The following SLC67A1 variants were observed in gnomAD, a reference collection of about 807,000 sequenced individuals.
SLC67A1 encodes the protein solute carrier family 67 member A1.
chr11:2,916,811 C>A, the SLC67A1 span: 1 of 1,373,122 alleles, frequency 7.3e-7, no homozygotes, highest in South Asian at 1.2e-5. Context: ...CTGCGTGCTC[C>A]AGCCAAGGGG....
At chr11:2,900,573 G>A in the SLC67A1 span, among the ~76,000 whole-genome samples, 1 of 151,212 alleles carries the variant, frequency 6.6e-6, no homozygotes, top group South Asian at 2.1e-4. Flanking sequence ...GGCGCCTGTA[G>A]TCCCAGCTAC....
the SLC67A1 span, chr11:2,903,041 C>A: frequency 2.4e-6 from 1 of 418,774 alleles, no homozygotes; most frequent in Non-Finnish European, 4.0e-6. Flanking sequence ...GGCCCACCTG[C>A]AGGGGTCGGG....
the SLC67A1 span, chr11:2,921,539 G>T: frequency 6.0e-6 from 1 of 166,212 alleles, no homozygotes; most frequent in Non-Finnish European, 1.3e-5. Flanking sequence ...TGGCCTGGGA[G>T]CAGCCTGCGG....
the SLC67A1 span, chr11:2,918,145 AGCTGCGGCCAGGGCCCG>A: frequency 6.9e-7 from 1 of 1,451,780 alleles, no homozygotes; most frequent in Non-Finnish European, 9.6e-7. Flanking sequence ...GCAGAGTCCC[AGCTGCGGCCAGGGCCCG>A]GCCCTTCCTC....
At chr11:2,909,321 C>A in the SLC67A1 span, 7 of 1,532,398 alleles carry the variant, frequency 4.6e-6, no homozygotes, top group African/African-American at 1.4e-5. Flanking sequence ...CTCTTCGCCT[C>A]GCGCCTGCCC....
chr11:2,910,840 G>T, the SLC67A1 span, among the ~76,000 whole-genome samples: 1 of 152,230 alleles, frequency 6.6e-6, no homozygotes, highest in African/African-American at 2.4e-5. Context: ...GGTGCCACTG[G>T]GATTTGGGTC....
At chr11:2,924,978 C>G in the SLC67A1 span, 2 of 1,577,442 alleles carry the variant, frequency 1.3e-6, no homozygotes, top group East Asian at 4.5e-5. This position sits in a 1 kb window ranked among gnomAD's most constrained non-coding sequence, Gnocchi z 8.6. Context: ...AGGGAGCTGC[C>G]CAGGGCCTGA....
chr11:2,910,357 C>T, the SLC67A1 span, among the ~76,000 whole-genome samples: 1 of 152,294 alleles, frequency 6.6e-6, no homozygotes, highest in East Asian at 1.9e-4. Flanking sequence ...ATTCCCGTAA[C>T]ATCAGGCTGA....
At chr11:2,914,941 C>A in the SLC67A1 span, 3 of 985,432 alleles carry the variant, frequency 3.0e-6, no homozygotes, top group Non-Finnish European at 3.6e-6. Context: ...CCGAGCCCAG[C>A]CGTTCCCCTT....
the SLC67A1 span, chr11:2,903,224 G>A: frequency 6.6e-7 from 1 of 1,513,752 alleles, no homozygotes; most frequent in South Asian, 1.3e-5. Context: ...GCAAGGCCAG[G>A]CGGGTGCTGC....
chr11:2,903,449 C>A, the SLC67A1 span: 26 of 1,613,144 alleles, frequency 1.6e-5, no homozygotes, highest in Non-Finnish European at 2.1e-5. Flanking sequence ...CTGGCCGCCA[C>A]AGAACTTACC....
chr11:2,917,983 G>A, the SLC67A1 span: 1 of 1,610,404 alleles, frequency 6.2e-7, no homozygotes. Flanking sequence ...GCCTCTCCGT[G>A]CCAGGCGGCC....
the SLC67A1 span, among the ~76,000 whole-genome samples, chr11:2,907,864 C>T: frequency 6.6e-6 from 1 of 152,192 alleles, no homozygotes; most frequent in Non-Finnish European, 1.5e-5. The surrounding 1 kb of genome is among the most constrained non-coding windows in gnomAD (Gnocchi z 6.7). Context: ...ACTTGGGGGC[C>T]TTGGGACAAT....
chr11:2,901,650 G>A, the SLC67A1 span, among the ~76,000 whole-genome samples: 1 of 152,228 alleles, frequency 6.6e-6, no homozygotes, highest in East Asian at 1.9e-4. Context: ...CCTGTGTGCT[G>A]GCATCTCTGG....
At chr11:2,915,732 G>C in the SLC67A1 span, among the ~76,000 whole-genome samples, 1 of 152,166 alleles carries the variant, frequency 6.6e-6, no homozygotes, top group African/African-American at 2.4e-5. Context: ...GTGGCGGTCC[G>C]GCACAGGCCT....
the SLC67A1 span, chr11:2,922,143 C>A: frequency 1.9e-6 from 3 of 1,613,604 alleles, no homozygotes; most frequent in Non-Finnish European, 2.5e-6. Flanking sequence ...GCAGCCACTT[C>A]TCGGAGGAGG....
chr11:2,915,180 GACTCAGAGGTGGCCCCACTGA>G, the SLC67A1 span: 2 of 985,268 alleles, frequency 2.0e-6, no homozygotes. Flanking sequence ...AGACTCTCTG[GACTCAGAGGTGGCCCCACTGA>G]CTGTCCTAGT....
At chr11:2,906,420 G>A in the SLC67A1 span, among the ~76,000 whole-genome samples, 11 of 152,178 alleles carry the variant, frequency 7.2e-5, no homozygotes, top group African/African-American at 1.2e-4. Context: ...ACATGCACAC[G>A]TATGTTTATC....
At chr11:2,904,904 A>G in the SLC67A1 span, among the ~76,000 whole-genome samples, 1 of 152,212 alleles carries the variant, frequency 6.6e-6, no homozygotes, top group Non-Finnish European at 1.5e-5. Flanking sequence ...CCTGCTGCTC[A>G]AAGAACTCCG....
Sources: gnomAD v4.1 joint callset for allele counts (sites outside exome capture counted in the v4.1 genomes callset) on GRCh38, gnomAD v4.1.1 for gene constraint, Gnocchi (gnomAD v3.1) non-coding constraint, MANE v1.5 for transcripts, NCBI Gene and HGNC (gene_info 2026-07-23, HGNC 2026-07-21) for gene names.